The following OR9G4 variants were observed in gnomAD, a reference collection of about 807,000 sequenced individuals.
OR9G4 encodes olfactory receptor 9G4.
A neutral mutation model predicts 16.7 loss-of-function variants in OR9G4; 19 were observed. The observed-to-expected ratio is 1.14, with a 90% confidence interval of 0.79 to 1.67. The LOEUF is 1.67. Ranked by LOEUF, OR9G4 falls within the 40% of genes most tolerant of loss-of-function variation. The pLI is 0.00. For synonymous variants in OR9G4, 182 were observed against 146.2 expected (o/e 1.24, Z -1.76); for missense variants, 428 against 370.4 (o/e 1.16, Z -1.28).
Position 56,743,618 on chromosome 11 carries a change from C to T in OR9G4, c.149G>A (p.Arg50Gln), listed in dbSNP as rs747446138. The T allele has an allele frequency of 7.4e-6, 12 of 1,613,818 alleles. No individual in the cohort carries two copies. In the African/African-American group the frequency reaches 9.3e-5, roughly 13 times the overall value. The change falls in exon 2 of 2, where the codon CGA becomes CAA. Residue 50 changes from arginine to glutamine, a missense_variant. Coordinates refer to ENST00000641668, the MANE Select transcript of OR9G4 (RefSeq NM_001005284.2). ...AGGTGTATGCAAGTGGGAATCAGTT[C>T]GGATTAAGATAACCAAGGTCATGTT... The part of the protein sequence containing the change: ...SGNMTLVILI[R>Q]TDSHLHTPMY...
chr11:56,743,202 A>G lies in OR9G4; in HGVS notation c.565T>C (p.Cys189Arg). Residue 189 changes from cysteine to arginine, a missense_variant, in exon 2 of 2, where the codon TGT (cysteine) becomes CGT (arginine). Coordinates refer to ENST00000641668, the MANE Select transcript of OR9G4 (RefSeq NM_001005284.2). ...TTTTCGTAGACCCTGGTGTTTGTACAGGACATTTTTACCAATGGTGGTGCA... is the reference window on the plus strand; with the variant it reads ...TTTTCGTAGACCCTGGTGTTTGTACGGGACATTTTTACCAATGGTGGTGCA... ...CDAPPLVKMS[C>R]TNTRVYEKVL... The G allele has an allele frequency of 6.2e-7, 1 of 1,614,180 alleles. No individual in the cohort carries two copies. The highest frequency in any genetic ancestry group is 8.5e-7 in the Non-Finnish European group (1 of 1,180,014).
chr11:56,745,038 C>A (rs903630795), intron 1 of OR9G4, among the ~76,000 whole-genome samples: 1 of 152,144 alleles, frequency 6.6e-6, no homozygotes, highest in Non-Finnish European at 1.5e-5. Flanking sequence ...GTGTATTTAC[C>A]TCCAAAAGGG....
In OR9G4 at chr11:56,743,568, A is replaced by G. The variant is rs765361050; in HGVS notation, c.199T>C (p.Ser67Pro). 5 of 1,614,218 alleles carry G rather than the reference A, an allele frequency of 3.1e-6. No individual in the cohort carries two copies. The highest frequency in any genetic ancestry group is 4.2e-6 in the Non-Finnish European group (5 of 1,180,036). The change falls in exon 2 of 2, where the codon TCT becomes CCT. Residue 67 changes from serine (S) to proline (P), a missense_variant. Transcript: ENST00000641668. The stretch of plus-strand genomic sequence containing the variant: ...GAGGTATACCAGAAATCCAAAAAAG[A>G]CAGATTGCCAATGAAAAAGTACATA... ...TPMYFFIGNL[S>P]FLDFWYTSVY...
chr11:56,742,315 T>C lies in OR9G4; in HGVS notation c.*513A>G, dbSNP rs1303076254. 6.5e-6 allele frequency: 1 copy of C among 153,738 alleles called. No homozygotes were observed. The highest frequency in any genetic ancestry group is 2.4e-5 in the African/African-American group (1 of 41,464). 9.5% of individuals were successfully genotyped at this position (153,738 alleles called of 1,614,324 possible). On this transcript the variant is annotated 3_prime_UTR_variant, in exon 2 of 2. Coordinates refer to ENST00000641668, the MANE Select transcript of OR9G4 (RefSeq NM_001005284.2). ...CTTAAACATCTTCCTAATATTCTCT[T>C]TATGTAGAAGGCATGAGTTTTACAA...
chr11:56,744,554 A>T (rs1031240361), intron 1 of OR9G4, among the ~76,000 whole-genome samples: 1 of 152,230 alleles, frequency 6.6e-6, no homozygotes, highest in African/African-American at 2.4e-5. Context: ...ACAAATATAA[A>T]TACATTATGA....
chr11:56,743,368 T>C lies in OR9G4; in HGVS notation c.399A>G (p.Ser133=). Residue 133 remains serine (S), a synonymous_variant, in exon 2 of 2, where the codon TCA becomes TCG. Transcript: ENST00000641668. ...TACAGAGGGCGGTGGACATGGTACC[T>C]GAATAAAGCAATGGGTTACAAATTG... ...HAAICNPLLY[S]GTMSTALCTG... is the part of the protein sequence containing the mutation. 1 of 1,614,110 alleles carries C rather than the reference T, an allele frequency of 6.2e-7. No individual in the cohort carries two copies. Among genetic ancestry groups the C allele is most frequent in the Non-Finnish European group, 8.5e-7 (1 of 1,180,016 alleles).
rs1163132639 is a variant in OR9G4 at position 56,742,005 on chromosome 11, C to G, written c.*823G>C. On this transcript the variant is annotated 3_prime_UTR_variant, in exon 2 of 2. Transcript: ENST00000641668. ...ACCAGTTCTTAGGAATGTTCAAGGC[C>G]CAGGCTAGGTTCAGGCCAGGGACAA... The G allele has an allele frequency of 6.6e-6, 1 of 152,156 alleles. No individual in the cohort carries two copies. The highest frequency in any genetic ancestry group is 1.5e-5 in the Non-Finnish European group (1 of 68,060). The allele number at this position is 152,156 out of a possible 1,614,324, so 9.4% of individuals were successfully genotyped here.
chr11:56,742,876 G>A lies in OR9G4; in HGVS notation c.891C>T (p.Ile297=). 1 of 1,613,992 alleles carries A rather than the reference G, an allele frequency of 6.2e-7. No individual in the cohort carries two copies. The highest frequency in any genetic ancestry group is 1.1e-5 in the South Asian group (1 of 91,066). ...PLIYSLRNKD[I]KEAFRKATQT... ...GTGTTGCTTTCCTGAAGGCCTCTTT[G>A]ATATCTTTGTTTCTCAGGCTATAGA... Residue 297 remains isoleucine (I), a synonymous_variant, in exon 2 of 2, where the codon ATC becomes ATT. Coordinates refer to ENST00000641668, the MANE Select transcript of OR9G4 (RefSeq NM_001005284.2).
intron 1 of OR9G4, among the ~76,000 whole-genome samples, chr11:56,745,821 C>T (rs1476979800): frequency 4.0e-5 from 6 of 151,674 alleles, no homozygotes; most frequent in Non-Finnish European, 8.8e-5. Flanking sequence ...CAATAGATAG[C>T]CTCACTTGTT....
At chr11:56,748,151 G>A (rs1367876923) in intron 1 of OR9G4, among the ~76,000 whole-genome samples, 1 of 152,108 alleles carries the variant, frequency 6.6e-6, no homozygotes, top group Non-Finnish European at 1.5e-5. Flanking sequence ...TGAAATAAAA[G>A]GCACAGAAAA....
intron 1 of OR9G4, 58 bp from the exon 2 acceptor site, chr11:56,743,846 A>C: frequency 6.4e-7 from 1 of 1,561,264 alleles, no homozygotes; most frequent in East Asian, 2.2e-5. Flanking sequence ...CAAGTTGACA[A>C]GGGTATCAAT....
rs1858327799 is a variant in OR9G4, at chr11:56,743,041, A to G, written c.726T>C (p.Ala242=). 1 of 1,614,136 alleles carries G rather than the reference A, an allele frequency of 6.2e-7. No individual in the cohort carries two copies. The highest frequency in any genetic ancestry group is 8.5e-7 in the Non-Finnish European group (1 of 1,179,972). Residue 242 remains alanine (A), a synonymous_variant, in exon 2 of 2, where the codon GCT becomes GCC. Transcript: ENST00000641668. ...SGRHKAFSTC[A]SHLISVMLFY... Reference sequence around the variant, plus strand: ...AGAGCATGACTGAGATGAGGTGGGAAGCACAGGTGGAGAATGCCTTGTGTC... The same window carrying G: ...AGAGCATGACTGAGATGAGGTGGGAGGCACAGGTGGAGAATGCCTTGTGTC...
At chr11:56,743,812 C>A in intron 1 of OR9G4, 24 bp from the exon 2 acceptor site, 2 of 1,604,186 alleles carry the variant, frequency 1.2e-6, no homozygotes, top group Non-Finnish European at 1.7e-6. Context: ...GGAAAATCAT[C>A]ACTTAGTGTT....
intron 1 of OR9G4, among the ~76,000 whole-genome samples, chr11:56,744,352 C>A (rs1175856412): frequency 1.3e-5 from 2 of 152,160 alleles, no homozygotes; most frequent in Admixed American, 1.3e-4. Flanking sequence ...TCGCACCTGG[C>A]CGACTAGTAA....
In OR9G4 at chr11:56,743,015, A is replaced by G; in HGVS notation, c.752T>C (p.Phe251Ser). 6.2e-7 allele frequency: 1 copy of G among 1,614,062 alleles called. No homozygotes were observed. The highest frequency in any genetic ancestry group is 8.5e-7 in the Non-Finnish European group (1 of 1,179,918). ...ATACATAAACAACAATGATCCATAG[A>G]AGAGCATGACTGAGATGAGGTGGGA... The part of the protein sequence containing the change: ...CASHLISVML[F>S]YGSLLFMYSR... Residue 251 changes from phenylalanine (F) to serine (S), a missense_variant, in exon 2 of 2, where the codon TTC becomes TCC. Transcript: ENST00000641668.
intron 1 of OR9G4, among the ~76,000 whole-genome samples, chr11:56,745,322 AT>A (rs1007363427): frequency 5.3e-5 from 8 of 152,164 alleles, no homozygotes; most frequent in Admixed American, 5.2e-4. Context: ...AGGGTTTAGG[AT>A]TGTGGGGTCC....
At chr11:56,747,826 C>A (rs1226592963) in intron 1 of OR9G4, among the ~76,000 whole-genome samples, 1 of 152,106 alleles carries the variant, frequency 6.6e-6, no homozygotes, top group Non-Finnish European at 1.5e-5. Flanking sequence ...AGACACCCAC[C>A]ACCATGCCTG....
At chr11:56,743,991 T>C (rs1312593093) in intron 1 of OR9G4, 1 of 595,038 alleles carries the variant, frequency 1.7e-6, no homozygotes, top group African/African-American at 1.9e-5. Context: ...TTTTATTTAT[T>C]AACTATTTAA....
In OR9G4 at chr11:56,742,732, T is replaced by C; in HGVS notation, c.*96A>G. 1 of 1,048,800 alleles carries C rather than the reference T, an allele frequency of 9.5e-7. No individual in the cohort carries two copies. Among genetic ancestry groups the C allele is most frequent in the Middle Eastern group, 3.2e-4 (1 of 3,160 alleles). 65.0% of individuals were successfully genotyped at this position (1,048,800 alleles called of 1,614,324 possible). A position where few individuals can be genotyped will look rare whatever the true frequency, so the allele number is the denominator to read the frequency against. On this transcript the variant is annotated 3_prime_UTR_variant, in exon 2 of 2. Coordinates refer to ENST00000641668, the MANE Select transcript of OR9G4 (RefSeq NM_001005284.2). ...ATATTTTAATGTTTTAAATATGACT[T>C]ATTGAACTTAATTGAACTACAGAAA...
Sources: gnomAD v4.1 joint callset for allele counts (sites outside exome capture counted in the v4.1 genomes callset) on GRCh38, gnomAD v4.1.1 for gene constraint, MANE v1.5 for transcripts, NCBI Gene and HGNC (gene_info 2026-07-23, HGNC 2026-07-21) for gene names.